ABCD2: variants seen among roughly 807,000 people sequenced by gnomAD.
ABCD2 encodes ATP binding cassette subfamily D member 2.
ABCD2 carries 36 observed loss-of-function variants against 70.9 expected under a neutral mutation model. The observed-to-expected ratio is 0.51, with a 90% confidence interval of 0.39 to 0.67. The LOEUF (loss-of-function observed/expected upper bound fraction) is 0.67. Ranked by LOEUF, ABCD2 falls within the 30% of genes least tolerant of loss-of-function variation. The pLI, the probability that ABCD2 is intolerant of heterozygous loss-of-function variation, is 0.00. For synonymous variants in ABCD2, 304 were observed against 306.9 expected, an observed-to-expected ratio of 0.99 and a Z score of 0.10; for missense variants, 729 against 890.2, an observed-to-expected ratio of 0.82 and a Z score of 2.30.
chr12:39,598,293 T>G (rs371784319), intron 6 of ABCD2, among the ~76,000 whole-genome samples: 170 of 152,356 alleles, frequency 1.1e-3, no homozygotes, highest in African/African-American at 3.9e-3. Flanking sequence ...GTCTTATGAC[T>G]TGTGAATTTC....
intron 6 of ABCD2, among the ~76,000 whole-genome samples, chr12:39,597,132 T>G (rs959909789): frequency 6.6e-6 from 1 of 152,160 alleles, no homozygotes; most frequent in Non-Finnish European, 1.5e-5. Flanking sequence ...GAGTATTATT[T>G]TTAAAAACTA....
At chr12:39,535,271 C>T in the ABCD2 span, among the ~76,000 whole-genome samples, 2 of 152,180 alleles carry the variant, frequency 1.3e-5, no homozygotes, top group African/African-American at 4.8e-5. Flanking sequence ...AATCTAACTC[C>T]TAACTTTAAG....
At chr12:39,576,020 G>A (rs1364549554) in intron 8 of ABCD2, among the ~76,000 whole-genome samples, 1 of 152,128 alleles carries the variant, frequency 6.6e-6, no homozygotes, top group African/African-American at 2.4e-5. Flanking sequence ...CAAATTTATG[G>A]CTAAATTTTA....
At chr12:39,533,317 G>T in the ABCD2 span, among the ~76,000 whole-genome samples, 1 of 152,110 alleles carries the variant, frequency 6.6e-6, no homozygotes, top group East Asian at 1.9e-4. Context: ...TTTTAAATAT[G>T]CTTATTACTT....
chr12:39,533,938 G>GAATCTC, the ABCD2 span, among the ~76,000 whole-genome samples: 1 of 152,326 alleles, frequency 6.6e-6, no homozygotes, highest in South Asian at 2.1e-4. Context: ...TGATAGGAAT[G>GAATCTC]AATCTCAACG....
intron 8 of ABCD2, among the ~76,000 whole-genome samples, chr12:39,577,501 G>T (rs981414407): frequency 6.6e-6 from 1 of 152,142 alleles, no homozygotes; most frequent in African/African-American, 2.4e-5. Flanking sequence ...AGGTATAAAA[G>T]GTAGGTGGGG....
intron 9 of ABCD2, among the ~76,000 whole-genome samples, chr12:39,560,104 G>C (rs1021670426): frequency 6.6e-6 from 1 of 152,110 alleles, no homozygotes; most frequent in African/African-American, 2.4e-5. Context: ...TTGGTGTGCT[G>C]CACCCATTAA....
rs990233516 is a variant in ABCD2 at position 39,553,129 on chromosome 12, T to G, written c.*783A>C. The G allele has an allele frequency of 3.9e-5, 6 of 152,106 alleles. No homozygotes were observed. The highest frequency in any genetic ancestry group is 1.4e-4 in the African/African-American group (6 of 41,554). The allele number at this position is 152,106 out of a possible 1,614,324, so 9.4% of individuals were successfully genotyped here. ...CATCCTTGGGCAAAAAAACAAGCTG[T>G]GTATTTCTGAACAGAAGTTGCAATA... On this transcript the variant is annotated 3_prime_UTR_variant, in exon 10 of 10. Transcript: ENST00000308666.
intron 9 of ABCD2, among the ~76,000 whole-genome samples, chr12:39,560,191 T>A (rs530773954): frequency 2.0e-5 from 3 of 152,226 alleles, no homozygotes; most frequent in African/African-American, 7.2e-5. Flanking sequence ...CCCCGGTGTG[T>A]GATGTTCCCC....
chr12:39,603,269 C>T (rs1165313220), intron 5 of ABCD2, among the ~76,000 whole-genome samples: 1 of 152,036 alleles, frequency 6.6e-6, no homozygotes, highest in African/African-American at 2.4e-5. Flanking sequence ...GTCATTAATG[C>T]TTGTCAGCAA....
At chr12:39,536,820 T>A in the ABCD2 span, among the ~76,000 whole-genome samples, 2 of 152,210 alleles carry the variant, frequency 1.3e-5, no homozygotes, top group Non-Finnish European at 2.9e-5. Context: ...GCCAGCAGCA[T>A]CACCTTCATA....
intron 9 of ABCD2, among the ~76,000 whole-genome samples, chr12:39,557,085 G>C (rs186210975): frequency 3.2e-4 from 49 of 152,254 alleles, no homozygotes; most frequent in African/African-American, 1.1e-3. Context: ...GGGAAGATGT[G>C]GGAAAGTTTG....
rs915034542 is a variant in ABCD2 at position 39,617,621 on chromosome 12, G to A, written c.940-453C>T. On this transcript the variant is annotated intron_variant, in intron 1 of 9. Coordinates refer to ENST00000308666, the MANE Select transcript of ABCD2 (RefSeq NM_005164.4). ...ATAATTTATATCATTGAATTCAATA[G>A]TTCAAGAAGAATCACAAATCAATAT... Among the ~76,000 whole-genome samples the A allele has an allele frequency of 5.3e-4, 81 of 152,072 alleles. 2 individuals carry two copies. The highest frequency in any genetic ancestry group is 1.9e-3 in the African/African-American group (78 of 41,414).
At chr12:39,557,779 T>A (rs552613259) in intron 9 of ABCD2, among the ~76,000 whole-genome samples, 2 of 152,210 alleles carry the variant, frequency 1.3e-5, no homozygotes, top group Non-Finnish European at 2.9e-5. Flanking sequence ...TGGTTGGACC[T>A]GTGGTGCACA....
Position 39,600,433 on chromosome 12 carries a change from T to C in ABCD2, c.1646+138A>G, listed in dbSNP as rs1941880765. 7 of 838,848 alleles carry C rather than the reference T, an allele frequency of 8.3e-6. No individual in the cohort carries two copies. In the South Asian group the frequency reaches 1.7e-4, roughly 20 times the overall value. The allele number at this position is 838,848 out of a possible 1,614,324, so 52.0% of individuals were successfully genotyped here. On this transcript the variant is annotated intron_variant, in intron 6 of 9. Coordinates refer to ENST00000308666, the MANE Select transcript of ABCD2 (RefSeq NM_005164.4). ...AAAGCAGTAATAAAATATTTTGGGC[T>C]AAGTGAATTTTTATTTCCTTAATAG...
rs1941095115 is a variant in ABCD2, at chr12:39,552,013, T to A, written c.*1899A>T. 6.6e-6 allele frequency: 1 copy of A among 151,786 alleles called. No homozygotes were observed. The highest frequency in any genetic ancestry group is 2.4e-5 in the African/African-American group (1 of 41,406). The allele number at this position is 151,786 out of a possible 1,614,324, so 9.4% of individuals were successfully genotyped here. ...CACTTATGTAGAAAAGATTAATGAATAATTTTTAGCAAGTTTAAGTTTTGG... is the reference window on the plus strand; with the variant it reads ...CACTTATGTAGAAAAGATTAATGAAAAATTTTTAGCAAGTTTAAGTTTTGG... On this transcript the variant is annotated 3_prime_UTR_variant, in exon 10 of 10. Transcript: ENST00000308666.
chr12:39,619,107 T>C lies in ABCD2; in HGVS notation c.509A>G (p.Lys170Arg), dbSNP rs1942156931. 12 of 1,614,182 alleles carry C rather than the reference T, an allele frequency of 7.4e-6. No homozygotes were observed. The highest frequency in any genetic ancestry group is 1.0e-5 in the Non-Finnish European group (12 of 1,180,026). The change falls in exon 1 of 10, where the codon AAA becomes AGA. Residue 170 changes from lysine to arginine, a missense_variant. This residue lies in a region of ABCD2 where 245 missense variants were observed against 261.2 expected (regional missense o/e 0.94). Transcript: ENST00000308666. ...VNSAIRYLEC[K>R]LALAFRTRLV... ...GCGAGTTCTGAAGGCCAAAGCCAAT[T>C]TGCATTCCAGGTACCTTATTGCACT...
At chr12:39,580,659 T>G (rs950247474) in intron 7 of ABCD2, among the ~76,000 whole-genome samples, 7 of 152,182 alleles carry the variant, frequency 4.6e-5, no homozygotes, top group African/African-American at 1.7e-4. Context: ...ATAGTTCCAC[T>G]GCTGGAGAGT....
At chr12:39,602,744 A>C (rs189377309) in intron 5 of ABCD2, among the ~76,000 whole-genome samples, 124 of 152,298 alleles carry the variant, frequency 8.1e-4, no homozygotes, top group Non-Finnish European at 1.6e-3. Context: ...TTTTCTGCAG[A>C]AAGAGTGTGA....
Sources: gnomAD v4.1 joint callset for allele counts (sites outside exome capture counted in the v4.1 genomes callset) on GRCh38, gnomAD v4.1.1 for gene constraint, gnomAD v4.1.1 regional missense constraint, MANE v1.5 for transcripts, NCBI Gene and HGNC (gene_info 2026-07-23, HGNC 2026-07-21) for gene names.